SHANK2: variants seen among roughly 807,000 people sequenced by gnomAD.
SHANK2 encodes SH3 and multiple ankyrin repeat domains protein 2.
In SHANK2, 43 loss-of-function variants were observed where a neutral mutation model predicts 133.7. That is an observed-to-expected ratio of 0.32 (90% confidence interval 0.25 to 0.41). The LOEUF (loss-of-function observed/expected upper bound fraction) is 0.41. Among genes scored for constraint, SHANK2 ranks in the 10% least tolerant of loss-of-function variants. SHANK2 has a pLI of 1.00. For synonymous variants in SHANK2, 1,017 were observed against 952.8 expected (o/e 1.07, Z -1.24); for missense variants, 1,994 against 2,235.8 (o/e 0.89, Z 2.18).
chr11:70,769,085 C>G (rs1258421243), intron 14 of SHANK2, among the ~76,000 whole-genome samples: 1 of 152,174 alleles, frequency 6.6e-6, no homozygotes, highest in South Asian at 2.1e-4. Flanking sequence ...AGGCTTTATT[C>G]CCTGGAACGC....
At chr11:70,908,429 C>G (rs1371974457) in intron 10 of SHANK2, among the ~76,000 whole-genome samples, 1 of 152,214 alleles carries the variant, frequency 6.6e-6, no homozygotes, top group Admixed American at 6.5e-5. Context: ...TGTCAAGCTG[C>G]CAAGGAGGGA....
At chr11:70,915,822 G>A (rs1465023693) in intron 10 of SHANK2, among the ~76,000 whole-genome samples, 1 of 152,208 alleles carries the variant, frequency 6.6e-6, no homozygotes, top group African/African-American at 2.4e-5. Flanking sequence ...TAAAATCAAG[G>A]CCATGCTTTA....
chr11:70,491,092 C>T (rs1021924541), intron 22 of SHANK2, among the ~76,000 whole-genome samples: 5 of 152,244 alleles, frequency 3.3e-5, no homozygotes, highest in African/African-American at 4.8e-5. Flanking sequence ...CCAACTCTTT[C>T]GCTTCCCCAG....
At chr11:70,512,625 A>G (rs1554969455) in intron 17 of SHANK2, among the ~76,000 whole-genome samples, 1 of 152,208 alleles carries the variant, frequency 6.6e-6, no homozygotes, top group East Asian at 1.9e-4. Flanking sequence ...TACATTATCC[A>G]TTTTAAGTTT....
intron 8 of SHANK2, among the ~76,000 whole-genome samples, chr11:71,075,851 C>T (rs1462851530): frequency 6.6e-6 from 1 of 152,348 alleles, no homozygotes; most frequent in Admixed American, 6.5e-5. Context: ...CAGACCCATA[C>T]TATGATAACT....
intron 14 of SHANK2, among the ~76,000 whole-genome samples, chr11:70,725,173 C>T (rs1233597332): frequency 6.6e-6 from 1 of 152,160 alleles, no homozygotes; most frequent in Non-Finnish European, 1.5e-5. Flanking sequence ...AAAATAAGCA[C>T]CGTACAGTGT....
At chr11:70,846,175 G>A (rs969121841) in intron 11 of SHANK2, among the ~76,000 whole-genome samples, 2 of 152,230 alleles carry the variant, frequency 1.3e-5, no homozygotes, top group Non-Finnish European at 2.9e-5. Context: ...TCTTTCTACC[G>A]TGGCAGAAAA....
At chr11:71,055,757 T>C (rs1268083500) in intron 10 of SHANK2, among the ~76,000 whole-genome samples, 3 of 132,286 alleles carry the variant, frequency 2.3e-5, no homozygotes, top group African/African-American at 8.8e-5. Flanking sequence ...TGCAAAGTCA[T>C]GAGTGGTTTT....
At chr11:70,549,804 A>G (rs1236641309) in intron 17 of SHANK2, among the ~76,000 whole-genome samples, 1 of 152,224 alleles carries the variant, frequency 6.6e-6, no homozygotes, top group African/African-American at 2.4e-5. Context: ...GAGGAAACAG[A>G]GCTGCATTTT....
chr11:70,631,897 C>T (rs1304309251), intron 17 of SHANK2: 1 of 152,204 alleles, frequency 6.6e-6, no homozygotes, highest in Non-Finnish European at 1.5e-5. Context: ...TCTTGGAAAA[C>T]ACAAGTCTCA....
chr11:70,771,798 T>C (rs1350232243), intron 14 of SHANK2, among the ~76,000 whole-genome samples: 1 of 152,166 alleles, frequency 6.6e-6, no homozygotes, highest in African/African-American at 2.4e-5. Context: ...TCATAAATAA[T>C]GAACACTTCC....
Position 71,152,297 on chromosome 11 carries a change from A to G in SHANK2, c.-12-4959T>C, listed in dbSNP as rs1952813523. Among the ~76,000 whole-genome samples, 4 of 152,140 alleles carry G rather than the reference A, an allele frequency of 2.6e-5. No individual in the cohort carries two copies. The South Asian group carries it at 8.3e-4, about 32-fold the overall frequency. On this transcript the variant is annotated intron_variant, in intron 2 of 25. Transcript: ENST00000601538. ...CTTGCGAATTTTTTGTATTTTTAGT[A>G]GAGACGGGTTTTCACCATGTTGGCC...
intron 17 of SHANK2, among the ~76,000 whole-genome samples, chr11:70,622,548 G>A (rs781822565): frequency 3.9e-5 from 6 of 152,318 alleles, no homozygotes; most frequent in Admixed American, 6.5e-5. Flanking sequence ...GGGGCCATCC[G>A]TTCCGGGGCC....
intron 2 of SHANK2, among the ~76,000 whole-genome samples, chr11:71,207,132 GA>G (rs60645507): frequency 8.1e-6 from 1 of 122,988 alleles, no homozygotes; most frequent in Admixed American, 8.4e-5. Context: ...TGGAAGGAAA[GA>G]AAAAAAAATA....
chr11:71,203,927 G>T (rs12289222), intron 2 of SHANK2, among the ~76,000 whole-genome samples: 1 of 152,162 alleles, frequency 6.6e-6, no homozygotes, highest in South Asian at 2.1e-4. Context: ...AACCATCTAC[G>T]TGCCGCCCCG....
intron 1 of SHANK2, among the ~76,000 whole-genome samples, chr11:71,235,487 G>T (rs892949617): frequency 1.3e-5 from 2 of 151,860 alleles, no homozygotes; most frequent in African/African-American, 2.4e-5. Flanking sequence ...CCAGCTACTC[G>T]GGAGGCTGAG....
intron 14 of SHANK2, among the ~76,000 whole-genome samples, chr11:70,768,747 TGGAG>T (rs1454843735): frequency 6.6e-6 from 1 of 151,818 alleles, no homozygotes; most frequent in Non-Finnish European, 1.5e-5. Flanking sequence ...AGCCTGGAGA[TGGAG>T]GGAGGAGGCG....
chr11:71,245,892 G>T (rs1378223221), intron 1 of SHANK2, among the ~76,000 whole-genome samples: 3 of 152,230 alleles, frequency 2.0e-5, no homozygotes, highest in African/African-American at 7.2e-5. Flanking sequence ...ACAGGAGCCC[G>T]GCTGGCCCAG....
At chr11:70,494,387 G>A (rs1468142624) in intron 21 of SHANK2, among the ~76,000 whole-genome samples, 2 of 152,112 alleles carry the variant, frequency 1.3e-5, no homozygotes, top group Non-Finnish European at 2.9e-5. Context: ...TCCACCTCCT[G>A]GGTTCAAGCA....
Sources: allele counts gnomAD v4.1 joint callset (sites outside exome capture counted in the v4.1 genomes callset), GRCh38; gene constraint gnomAD v4.1.1; transcripts MANE v1.5; gene names NCBI Gene and HGNC (gene_info 2026-07-23, HGNC 2026-07-21).